Variants in PTK2 observed in about 807,000 individuals in gnomAD.
The protein encoded by PTK2 is protein tyrosine kinase 2.
Under a neutral mutation model 150.1 loss-of-function variants are expected in PTK2, and 45 were observed. The ratio of observed to expected loss-of-function variants is 0.30; its 90% confidence interval spans 0.24 to 0.38. PTK2 has a LOEUF of 0.38. Among genes scored for constraint, PTK2 ranks in the 10% least tolerant of loss-of-function variants. The pLI is 1.00. For synonymous variants in PTK2, 432 were observed against 449.2 expected (o/e 0.96, Z 0.48); for missense variants, 919 against 1,307.3 (o/e 0.70, Z 4.58).
intron 7 of PTK2, among the ~76,000 whole-genome samples, chr8:140,837,762 G>A (rs1027396420): frequency 2.0e-5 from 3 of 149,176 alleles, no homozygotes; most frequent in African/African-American, 7.4e-5. Flanking sequence ...AAGTCATTTA[G>A]AAATACAGTA....
intron 23 of PTK2, among the ~76,000 whole-genome samples, chr8:140,713,996 C>T (rs532105049): frequency 6.6e-5 from 10 of 152,222 alleles, no homozygotes; most frequent in African/African-American, 2.4e-4. Flanking sequence ...TCAAACGATC[C>T]TCCTGCCTCA....
intron 2 of PTK2, among the ~76,000 whole-genome samples, chr8:140,917,079 T>A (rs2100165543): frequency 6.6e-6 from 1 of 152,140 alleles, no homozygotes; most frequent in Admixed American, 6.5e-5. Context: ...TGCCATGATT[T>A]GAGGTAAAGC....
intron 26 of PTK2, among the ~76,000 whole-genome samples, chr8:140,700,345 T>A (rs947050620): frequency 7.2e-5 from 11 of 152,150 alleles, no homozygotes; most frequent in South Asian, 6.2e-4. Context: ...TTTTTTTTTT[T>A]ATTTTTTGTA....
intron 13 of PTK2, among the ~76,000 whole-genome samples, chr8:140,792,133 A>G (rs1345434676): frequency 6.6e-6 from 1 of 152,200 alleles, no homozygotes; most frequent in Admixed American, 6.5e-5. Context: ...CTTGCCTGCT[A>G]TCTGGGAACT....
chr8:140,952,372 T>C (rs1181267310), intron 1 of PTK2, among the ~76,000 whole-genome samples: 1 of 152,092 alleles, frequency 6.6e-6, no homozygotes, highest in African/African-American at 2.4e-5. Flanking sequence ...AACAATCACA[T>C]CTGGCACAGC....
chr8:140,769,517 T>C (rs2100074360), intron 14 of PTK2, 58 bp downstream of exon 16: 1 of 1,189,166 alleles, frequency 8.4e-7, no homozygotes, highest in Non-Finnish European at 1.1e-6. Flanking sequence ...CTAAACTATA[T>C]TTATTTTCAT....
At chr8:140,987,689 T>G (rs2100193837) in intron 1 of PTK2, among the ~76,000 whole-genome samples, 1 of 152,112 alleles carries the variant, frequency 6.6e-6, no homozygotes, top group African/African-American at 2.4e-5. Flanking sequence ...ACCAGAACTC[T>G]CATCCACTGC....
chr8:140,962,089 TACA>T (rs1396975170), intron 1 of PTK2, among the ~76,000 whole-genome samples: 1 of 150,978 alleles, frequency 6.6e-6, no homozygotes, highest in East Asian at 2.0e-4. Flanking sequence ...CTAAAAAAAA[TACA>T]AAAATTAGCC....
chr8:140,742,944 T>A (rs368045609), intron 20 of PTK2, among the ~76,000 whole-genome samples: 3 of 152,358 alleles, frequency 2.0e-5, no homozygotes, highest in African/African-American at 7.2e-5. Flanking sequence ...CCCTAGATGC[T>A]AAATATTTAC....
chr8:140,955,444 T>G (rs570113991), intron 1 of PTK2, among the ~76,000 whole-genome samples: 118 of 152,346 alleles, frequency 7.7e-4, no homozygotes, highest in African/African-American at 2.7e-3. Flanking sequence ...TGTGGGACTG[T>G]GAAGTCAATT....
chr8:140,989,910 C>A (rs1158176806), intron 1 of PTK2, among the ~76,000 whole-genome samples: 136 of 135,958 alleles, frequency 1.0e-3, no homozygotes, highest in South Asian at 1.1e-3. Flanking sequence ...CTCTTTGTCT[C>A]AAAAAAAAAA....
At chr8:140,662,120 G>A (rs1177480225) in intron 31 of PTK2, among the ~76,000 whole-genome samples, 1 of 152,076 alleles carries the variant, frequency 6.6e-6, no homozygotes, top group African/African-American at 2.4e-5. Flanking sequence ...AACACAGTAA[G>A]ACACTGTCTC....
intron 3 of PTK2, among the ~76,000 whole-genome samples, chr8:140,883,685 G>T (rs957712208): frequency 2.0e-5 from 3 of 151,824 alleles, no homozygotes; most frequent in Non-Finnish European, 2.9e-5. Context: ...CACCTAGTAC[G>T]TTTCCTCCTC....
chr8:140,971,105 G>A (rs1372101698), intron 1 of PTK2, among the ~76,000 whole-genome samples: 1 of 152,142 alleles, frequency 6.6e-6, no homozygotes, highest in East Asian at 1.9e-4. Flanking sequence ...TAGTCTCTAA[G>A]AATAGTCTGT....
intron 10 of PTK2, among the ~76,000 whole-genome samples, chr8:140,805,616 G>C (rs1158797212): frequency 2.7e-5 from 4 of 148,172 alleles, no homozygotes; most frequent in Non-Finnish European, 4.5e-5. Flanking sequence ...AAAAAAAAAA[G>C]GCATTCTCAC....
At chr8:140,797,994 T>C (rs1367633558) in intron 12 of PTK2, among the ~76,000 whole-genome samples, 1 of 151,970 alleles carries the variant, frequency 6.6e-6, no homozygotes, top group Non-Finnish European at 1.5e-5. Flanking sequence ...CTATGGTAGA[T>C]CAAAGAACTA....
chr8:140,825,178 C>T lies in PTK2; in HGVS notation c.648+5294G>A, dbSNP rs116737520. 4.5e-3 allele frequency among the ~76,000 whole-genome samples: 686 copies of T among 152,262 alleles called. 4 individuals carry two copies. Among genetic ancestry groups the T allele is most frequent in the African/African-American group, 0.016 (649 of 41,538 alleles). Reference sequence around the variant, plus strand: ...TACATTAACAGCGCGTGAAGAGAGCCTCTTCTTACTCCTATCTACAGGACC... The same window carrying T: ...TACATTAACAGCGCGTGAAGAGAGCTTCTTCTTACTCCTATCTACAGGACC... On this transcript the variant is annotated intron_variant, in intron 8 of 31. Coordinates refer to ENST00000522684, the Ensembl canonical transcript of PTK2.
intron 21 of PTK2, 101 bp downstream of exon 24, chr8:140,738,917 G>C: frequency 1.4e-6 from 1 of 703,998 alleles, no homozygotes; most frequent in Non-Finnish European, 2.2e-6. Context: ...TCAGGTTAGG[G>C]AAGGCAAATC....
chr8:140,790,508 G>A (rs140849153), intron 13 of PTK2, among the ~76,000 whole-genome samples: 8 of 152,228 alleles, frequency 5.3e-5, no homozygotes, highest in Middle Eastern at 3.4e-3. Context: ...TTACACATGA[G>A]GTCACATGAG....
Sources: allele counts gnomAD v4.1 joint callset (sites outside exome capture counted in the v4.1 genomes callset), GRCh38; gene constraint gnomAD v4.1.1; transcripts MANE v1.5; gene names NCBI Gene and HGNC (gene_info 2026-07-23, HGNC 2026-07-21).